Variants in SLC36A1 observed in about 807,000 individuals in gnomAD.
SLC36A1 encodes the protein proton-coupled amino acid transporter 1.
A neutral mutation model predicts 47.5 loss-of-function variants in SLC36A1; 30 were observed. The ratio of observed to expected loss-of-function variants is 0.63; its 90% CI spans 0.47 to 0.86. The LOEUF is 0.86. Ranked by LOEUF, SLC36A1 falls within the 40% of genes least tolerant of loss-of-function variation. SLC36A1 has a pLI of 0.00. For missense variants in SLC36A1, 517 were observed against 606.0 expected (o/e 0.85, Z 1.54); for synonymous variants, 255 against 249.7 (o/e 1.02, Z -0.20).
chr5:151,528,638 G>A, the SLC36A1 span, among the ~76,000 whole-genome samples: 8 of 152,154 alleles, frequency 5.3e-5, no homozygotes, highest in African/African-American at 1.9e-4. Context: ...AGATATTCCT[G>A]TGTGGTTGGA....
At chr5:151,449,836 C>T (rs1279820085) in intron 1 of SLC36A1, among the ~76,000 whole-genome samples, 1 of 152,210 alleles carries the variant, frequency 6.6e-6, no homozygotes. Flanking sequence ...GAGGGTTGGA[C>T]TAGACAAAAT....
At chr5:151,386,481 TG>T in the SLC36A1 span, among the ~76,000 whole-genome samples, 1 of 152,204 alleles carries the variant, frequency 6.6e-6, no homozygotes, top group East Asian at 1.9e-4. Context: ...TGGTGACTTC[TG>T]TCATGTGATG....
the SLC36A1 span, chr5:151,505,236 C>T: frequency 2.4e-6 from 1 of 424,552 alleles, no homozygotes; most frequent in Non-Finnish European, 4.3e-6. Flanking sequence ...CAGGCTCTGC[C>T]CCGGGGACTG....
At chr5:151,381,693 T>C in the SLC36A1 span, among the ~76,000 whole-genome samples, 1 of 152,102 alleles carries the variant, frequency 6.6e-6, no homozygotes, top group African/African-American at 2.4e-5. Flanking sequence ...GCTTGTCTGA[T>C]CTTGTGGCCC....
At chr5:151,512,685 ATGT>A in the SLC36A1 span, 3 of 1,316,822 alleles carry the variant, frequency 2.3e-6, no homozygotes, top group South Asian at 1.5e-5. The surrounding 1 kb of genome is among the most constrained non-coding windows in gnomAD (Gnocchi z 4.1). Flanking sequence ...AGTTCAAAGA[ATGT>A]TGTTTGTATT....
chr5:151,475,161 G>C (rs928842503), intron 8 of SLC36A1, among the ~76,000 whole-genome samples: 1 of 152,208 alleles, frequency 6.6e-6, no homozygotes, highest in Non-Finnish European at 1.5e-5. Context: ...GCAGAGGCCT[G>C]AGTGGGCCCA....
the SLC36A1 span, among the ~76,000 whole-genome samples, chr5:151,366,177 G>A: frequency 2.1e-4 from 32 of 152,318 alleles, no homozygotes; most frequent in Admixed American, 8.5e-4. Context: ...CTCCCAAGGG[G>A]AAGTGGCCCA....
At chr5:151,544,925 G>A in the SLC36A1 span, 1 of 1,613,952 alleles carries the variant, frequency 6.2e-7, no homozygotes, top group African/African-American at 1.3e-5. Flanking sequence ...TTAAATTTGG[G>A]GGGATTGTCA....
chr5:151,458,304 G>GTGTGTGTGTGTATA, intron 1 of SLC36A1, among the ~76,000 whole-genome samples: 1 of 76,598 alleles, frequency 1.3e-5, no homozygotes, highest in Non-Finnish European at 2.5e-5. Context: ...ACATACACGT[G>GTGTGTGTGTGTATA]TATATACGTA....
At chr5:151,457,454 C>T (rs1375303991) in intron 1 of SLC36A1, among the ~76,000 whole-genome samples, 3 of 152,032 alleles carry the variant, frequency 2.0e-5, no homozygotes, top group Non-Finnish European at 4.4e-5. Flanking sequence ...TGAGTAAATC[C>T]ACCCAGGGGA....
the SLC36A1 span, among the ~76,000 whole-genome samples, chr5:151,363,866 C>T: frequency 1.7e-4 from 26 of 152,132 alleles, no homozygotes; most frequent in African/African-American, 6.0e-4. Context: ...ATACAATTTA[C>T]TGGAGAGATG....
chr5:151,473,174 C>A (rs976512216), intron 7 of SLC36A1, among the ~76,000 whole-genome samples: 8 of 132,038 alleles, frequency 6.1e-5, no homozygotes, highest in Admixed American at 3.0e-4. Context: ...GACTCTGTCT[C>A]TAGATAGATA....
chr5:151,551,702 G>T, the SLC36A1 span: 2 of 1,325,508 alleles, frequency 1.5e-6, no homozygotes, highest in Non-Finnish European at 2.1e-6. Flanking sequence ...AGGACACGGT[G>T]GTAAATTCCA....
chr5:151,384,991 T>TGGGA, the SLC36A1 span, among the ~76,000 whole-genome samples: 894 of 138,704 alleles, frequency 6.4e-3, 9 homozygotes, highest in African/African-American at 0.026. Flanking sequence ...TGTGTGGGTG[T>TGGGA]GTGAGAGAGA....
intron 1 of SLC36A1, among the ~76,000 whole-genome samples, chr5:151,457,012 C>T (rs934088321): frequency 1.3e-5 from 2 of 152,118 alleles, no homozygotes; most frequent in African/African-American, 2.4e-5. Context: ...AGCCACATGC[C>T]GGAGGACAGT....
intron 1 of SLC36A1, among the ~76,000 whole-genome samples, chr5:151,453,874 T>A (rs1293208554): frequency 6.6e-6 from 1 of 151,734 alleles, no homozygotes; most frequent in Admixed American, 6.6e-5. Flanking sequence ...AGAATAAAAT[T>A]TATTTTATTT....
At chr5:151,358,779 C>G in the SLC36A1 span, among the ~76,000 whole-genome samples, 1 of 151,814 alleles carries the variant, frequency 6.6e-6, no homozygotes, top group Non-Finnish European at 1.5e-5. Context: ...CGAGACCATC[C>G]TGGCTAACAA....
chr5:151,440,288 A>G (rs1254393536), intron 1 of SLC36A1, among the ~76,000 whole-genome samples: 1 of 152,226 alleles, frequency 6.6e-6, no homozygotes, highest in Admixed American at 6.5e-5. Context: ...GATTGACTCA[A>G]TCAACAAGAA....
At chr5:151,391,205 T>G in the SLC36A1 span, among the ~76,000 whole-genome samples, 1 of 152,136 alleles carries the variant, frequency 6.6e-6, no homozygotes. Flanking sequence ...TTTGGCTCTC[T>G]GTCTGTTATT....
Sources: allele counts gnomAD v4.1 joint callset (sites outside exome capture counted in the v4.1 genomes callset), GRCh38; gene constraint gnomAD v4.1.1; non-coding constraint Gnocchi (gnomAD v3.1); transcripts MANE v1.5; gene names NCBI Gene and HGNC (gene_info 2026-07-23, HGNC 2026-07-21).